The following OPHN1 variants were observed in gnomAD, a reference collection of about 807,000 sequenced individuals.
OPHN1 encodes oligophrenin-1.
Under a neutral mutation model 60.7 loss-of-function variants are expected in OPHN1, and 11 were observed. The ratio of observed to expected loss-of-function variants is 0.18; its 90% CI spans 0.11 to 0.30. The LOEUF (loss-of-function observed/expected upper bound fraction) is 0.30, where lower values mean the gene tolerates loss of function less well. Ranked by LOEUF, OPHN1 falls within the 10% of genes least tolerant of loss-of-function variation. The pLI, the probability that OPHN1 is intolerant of heterozygous loss-of-function variation, is 1.00. For missense variants in OPHN1, 449 were observed against 611.0 expected (o/e 0.73, Z 2.80); for synonymous variants, 226 against 222.6 (o/e 1.02, Z -0.14).
intron 5 of OPHN1, among the ~76,000 whole-genome samples, chrX:68,261,020 AAC>A (rs984220794): frequency 8.9e-6 from 1 of 111,804 alleles, no homozygotes; most frequent in Non-Finnish European, 1.9e-5. Flanking sequence ...ATGGATGAGA[AAC>A]ATCATTAAGA....
rs1327343628 is a variant in OPHN1, at chrX:68,317,551, GAA to G, written c.155-18457_155-18456del. On this transcript the variant is annotated intron_variant, in intron 2 of 24. Transcript: ENST00000355520. Reference sequence around the variant, plus strand: ...AGAAAGAAAGAAAAAAAGAAAGAAAGAAAGAAAGAAAGAAAGAAAGAAAGAGA... The same window carrying G: ...AGAAAGAAAGAAAAAAAGAAAGAAAGAGAAAGAAAGAAAGAAAGAAAGAGA... 4.4e-5 allele frequency among the ~76,000 whole-genome samples: 3 copies of G among 68,460 alleles called. No homozygotes were observed. The South Asian group carries it at 2.4e-3, about 54-fold the overall frequency. The allele number at this position is 68,460 out of a possible 115,157, so 59.4% of individuals were successfully genotyped here.
intron 15 of OPHN1, among the ~76,000 whole-genome samples, chrX:68,167,585 A>G (rs929909827): frequency 3.6e-5 from 4 of 110,787 alleles, no homozygotes; most frequent in African/African-American, 1.3e-4. Flanking sequence ...GTATATCTGT[A>G]TACATATACA....
chrX:68,391,840 G>T (rs2078655040), intron 2 of OPHN1, among the ~76,000 whole-genome samples: 1 of 111,246 alleles, frequency 9.0e-6, no homozygotes, highest in African/African-American at 3.3e-5. Context: ...AAGGATCGCA[G>T]ACAGCCACTT....
intron 19 of OPHN1, among the ~76,000 whole-genome samples, chrX:68,081,954 A>T (rs1343659838): frequency 8.9e-6 from 1 of 112,403 alleles, no homozygotes; most frequent in Admixed American, 9.4e-5. Flanking sequence ...CTGCTTTAGT[A>T]AACCAAGTTT....
At chrX:68,153,673 C>A (rs191469217) in intron 15 of OPHN1, among the ~76,000 whole-genome samples, 103 of 111,348 alleles carry the variant, frequency 9.3e-4, no homozygotes, top group African/African-American at 3.3e-3. Flanking sequence ...AGGGAGAGAG[C>A]GTAAGGAAGC....
intron 20 of OPHN1, chrX:68,071,549 A>G: frequency 1.7e-6 from 1 of 599,245 alleles, no homozygotes; most frequent in Non-Finnish European, 3.0e-6. Context: ...GAGTATTGTC[A>G]GGCATAGGGA....
chrX:68,182,590 C>T (rs1188557191), intron 15 of OPHN1, among the ~76,000 whole-genome samples: 4 of 111,500 alleles, frequency 3.6e-5, no homozygotes, highest in Non-Finnish European at 7.5e-5. Flanking sequence ...GCCTAGGGAA[C>T]TCCATGGAAA....
At chrX:68,265,498 A>T (rs1359439890) in intron 5 of OPHN1, among the ~76,000 whole-genome samples, 1 of 112,053 alleles carries the variant, frequency 8.9e-6, no homozygotes, top group Non-Finnish European at 1.9e-5. Flanking sequence ...TAACAAACAG[A>T]AAGGACATCC....
At chrX:68,322,748 T>G (rs2078241571) in intron 2 of OPHN1, among the ~76,000 whole-genome samples, 1 of 111,227 alleles carries the variant, frequency 9.0e-6, no homozygotes, top group South Asian at 3.8e-4. Context: ...GATCGCACCA[T>G]TGCACTCCAG....
chrX:68,124,735 T>A (rs2147450209), intron 15 of OPHN1, among the ~76,000 whole-genome samples: 1 of 110,530 alleles, frequency 9.0e-6, no homozygotes, highest in Non-Finnish European at 1.9e-5. Flanking sequence ...AGTCTCAGCC[T>A]CATAGGTTCA....
intron 2 of OPHN1, among the ~76,000 whole-genome samples, chrX:68,412,728 G>GAAGGGTTGAGAATGAAAAGTTTAT (rs1290274228): frequency 2.7e-5 from 3 of 111,429 alleles, no homozygotes; most frequent in Middle Eastern, 4.6e-3. Flanking sequence ...GCCCACATAA[G>GAAGGGTTGAGAATGAAAAGTTTAT]AAGGGTTGAG....
At chrX:68,323,043 A>G (rs1294642328) in intron 2 of OPHN1, among the ~76,000 whole-genome samples, 1 of 111,579 alleles carries the variant, frequency 9.0e-6, no homozygotes, top group Non-Finnish European at 1.9e-5. Context: ...GGGCGTGAAT[A>G]TAAAGGGGTA....
At chrX:68,103,900 C>G (rs2077070618) in intron 18 of OPHN1, among the ~76,000 whole-genome samples, 1 of 111,917 alleles carries the variant, frequency 8.9e-6, no homozygotes, top group Non-Finnish European at 1.9e-5. Flanking sequence ...TTGCATATGA[C>G]ATGATTGTAT....
chrX:68,233,517 G>A (rs757247783), intron 6 of OPHN1, among the ~76,000 whole-genome samples: 6 of 110,380 alleles, frequency 5.4e-5, no homozygotes, highest in South Asian at 3.9e-4. Flanking sequence ...CCTCTCTTAC[G>A]GCTCTGTCAC....
chrX:68,371,178 C>T (rs1176991229), intron 2 of OPHN1, among the ~76,000 whole-genome samples: 2 of 109,650 alleles, frequency 1.8e-5, no homozygotes, highest in Admixed American at 2.0e-4. Context: ...CATTATATAA[C>T]CATATTTTTC....
At chrX:68,278,827 A>G (rs1395802030) in intron 4 of OPHN1, among the ~76,000 whole-genome samples, 1 of 111,868 alleles carries the variant, frequency 8.9e-6, no homozygotes, top group Non-Finnish European at 1.9e-5. Flanking sequence ...CGGAGGCTGC[A>G]GTGAGCCGAA....
At chrX:68,407,338 A>T (rs1471233105) in intron 2 of OPHN1, among the ~76,000 whole-genome samples, 1 of 112,450 alleles carries the variant, frequency 8.9e-6, no homozygotes, top group Non-Finnish European at 1.9e-5. Context: ...CAATTTGCTC[A>T]TATGGTAAAA....
intron 6 of OPHN1, among the ~76,000 whole-genome samples, chrX:68,219,649 T>A (rs1417145809): frequency 1.8e-5 from 2 of 111,272 alleles, no homozygotes; most frequent in Non-Finnish European, 3.8e-5. Context: ...CTCAACTACA[T>A]GGAAACTGAA....
intron 2 of OPHN1, among the ~76,000 whole-genome samples, chrX:68,342,698 T>G (rs1024116123): frequency 1.8e-5 from 2 of 111,594 alleles, no homozygotes; most frequent in African/African-American, 6.5e-5. Context: ...TCCCAGCACT[T>G]TCAGAGGCCA....
Sources: allele counts gnomAD v4.1 joint callset (sites outside exome capture counted in the v4.1 genomes callset), GRCh38; gene constraint gnomAD v4.1.1; transcripts MANE v1.5; gene names NCBI Gene and HGNC (gene_info 2026-07-23, HGNC 2026-07-21).